The following CACNA1C variants were observed in gnomAD, a reference collection of about 807,000 sequenced individuals.
The protein encoded by CACNA1C is voltage-dependent L-type calcium channel subunit alpha-1C.
In CACNA1C, 30 loss-of-function variants were observed where a neutral mutation model predicts 229.0. The ratio of observed to expected loss-of-function variants is 0.13; its 90% CI spans 0.10 to 0.18. The LOEUF is 0.18. Ranked by LOEUF, CACNA1C falls within the 10% of genes least tolerant of loss-of-function variation. The probability of loss-of-function intolerance (pLI) is 1.00; values close to 1 mark genes in which losing one functional copy is unlikely to be tolerated. For missense variants in CACNA1C, 1,658 were observed against 2,845.0 expected, an observed-to-expected ratio of 0.58 and a Z score of 9.49; for synonymous variants, 1,114 against 1,132.5, an observed-to-expected ratio of 0.98 and a Z score of 0.33.
intron 1 of CACNA1C, among the ~76,000 whole-genome samples, chr12:1,984,959 T>C (rs1015368855): frequency 2.0e-5 from 3 of 151,862 alleles, no homozygotes; most frequent in Non-Finnish European, 4.4e-5. Context: ...TAATTTCTGA[T>C]AAGAAATCTG....
Position 2,671,634 on chromosome 12 carries a change from C to T in CACNA1C, c.4726+2599C>T, listed in dbSNP as rs139233655. Reference sequence around the variant, plus strand: ...TATGGAAGCAAGAATTCAGCAGGGTCGAAGGTTCACTGTCAAAGCCAACCA... The same window carrying T: ...TATGGAAGCAAGAATTCAGCAGGGTTGAAGGTTCACTGTCAAAGCCAACCA... On this transcript the variant is annotated intron_variant, in intron 38 of 46. Transcript: ENST00000399655. Among the ~76,000 whole-genome samples the T allele has an allele frequency of 3.3e-5, 5 of 152,230 alleles. No homozygotes were observed. In the East Asian group the frequency reaches 5.8e-4, roughly 18 times the overall value.
chr12:2,328,092 T>G (rs1351911683), intron 3 of CACNA1C, among the ~76,000 whole-genome samples: 1 of 152,208 alleles, frequency 6.6e-6, no homozygotes, highest in Non-Finnish European at 1.5e-5. Context: ...GTAGTTTCAT[T>G]AGATCTGTCA....
At chr12:2,304,725 G>A (rs1015774377) in intron 3 of CACNA1C, among the ~76,000 whole-genome samples, 3 of 152,146 alleles carry the variant, frequency 2.0e-5, no homozygotes, top group Non-Finnish European at 4.4e-5. Flanking sequence ...GCACCACACA[G>A]GTAGATCCCT....
At chr12:2,166,589 C>T (rs1190305077) in intron 3 of CACNA1C, among the ~76,000 whole-genome samples, 1 of 152,138 alleles carries the variant, frequency 6.6e-6, no homozygotes, top group East Asian at 1.9e-4. Context: ...TATAAATAAC[C>T]TTCTCACAGT....
chr12:2,476,956 A>G (rs2099632877), intron 5 of CACNA1C, among the ~76,000 whole-genome samples: 1 of 152,242 alleles, frequency 6.6e-6, no homozygotes, highest in South Asian at 2.1e-4. Context: ...TTTTCCCAGT[A>G]AGAAAATGCA....
chr12:2,637,853 C>A (rs545999138), intron 30 of CACNA1C, among the ~76,000 whole-genome samples: 1 of 152,246 alleles, frequency 6.6e-6, no homozygotes, highest in African/African-American at 2.4e-5. Flanking sequence ...GGGCGTTTCA[C>A]CTGTAACCTG....
chr12:2,553,681 G>C (rs936750039), intron 10 of CACNA1C, among the ~76,000 whole-genome samples: 3 of 152,250 alleles, frequency 2.0e-5, no homozygotes, highest in Non-Finnish European at 2.9e-5. Flanking sequence ...ATGGCAGAAG[G>C]CCCAGGCGGT....
At chr12:2,356,029 A>G (rs548744657) in intron 3 of CACNA1C, among the ~76,000 whole-genome samples, 6 of 152,306 alleles carry the variant, frequency 3.9e-5, no homozygotes, top group African/African-American at 1.2e-4. Context: ...TTAGTTGGAC[A>G]CTCAATAAAT....
intron 3 of CACNA1C, among the ~76,000 whole-genome samples, chr12:2,255,290 A>G (rs61907762): frequency 6.6e-6 from 1 of 150,414 alleles, no homozygotes. Context: ...AAAAAAACCT[A>G]GTTACTAGGA....
intron 11 of CACNA1C, among the ~76,000 whole-genome samples, chr12:2,565,570 G>T (rs966790844): frequency 6.6e-6 from 1 of 152,082 alleles, no homozygotes; most frequent in East Asian, 1.9e-4. Context: ...TTTGGGGAGG[G>T]TTCCCTAGGT....
intron 3 of CACNA1C, among the ~76,000 whole-genome samples, chr12:2,219,240 A>G (rs922909569): frequency 3.9e-5 from 6 of 152,136 alleles, no homozygotes; most frequent in African/African-American, 1.4e-4. Flanking sequence ...GGATTTGGGG[A>G]AGGAGCTCAC....
chr12:2,333,458 T>C (rs763520652), intron 3 of CACNA1C, among the ~76,000 whole-genome samples: 1 of 152,226 alleles, frequency 6.6e-6, no homozygotes, highest in Non-Finnish European at 1.5e-5. Flanking sequence ...AAGCTTGTTA[T>C]TAAATAACAA....
At chr12:2,205,976 C>T (rs1478785788) in intron 3 of CACNA1C, among the ~76,000 whole-genome samples, 1 of 152,162 alleles carries the variant, frequency 6.6e-6, no homozygotes, top group Non-Finnish European at 1.5e-5. Context: ...CCTACGAAAG[C>T]CCCTCCCCCA....
chr12:1,998,130 T>G (rs1170579076), intron 1 of CACNA1C, among the ~76,000 whole-genome samples: 1 of 152,204 alleles, frequency 6.6e-6, no homozygotes, highest in Non-Finnish European at 1.5e-5. Flanking sequence ...AGAAAGCAAG[T>G]TCTATGTCAT....
chr12:2,519,546 G>A (rs1004904416), intron 9 of CACNA1C, among the ~76,000 whole-genome samples: 6 of 152,210 alleles, frequency 3.9e-5, no homozygotes, highest in African/African-American at 1.2e-4. Context: ...TTGGAAACAG[G>A]CGAATAAGCA....
At chr12:2,312,082 T>C (rs2154485829) in intron 3 of CACNA1C, among the ~76,000 whole-genome samples, 1 of 152,268 alleles carries the variant, frequency 6.6e-6, no homozygotes, top group East Asian at 1.9e-4. Context: ...GCCCACACAA[T>C]GTCAGGATAT....
intron 3 of CACNA1C, among the ~76,000 whole-genome samples, chr12:2,223,720 C>T (rs2062085995): frequency 6.6e-6 from 1 of 152,138 alleles, no homozygotes; most frequent in Non-Finnish European, 1.5e-5. Context: ...TTTGCCAGTG[C>T]TATTGGATTT....
chr12:1,996,099 T>C lies in CACNA1C; in HGVS notation c.139+24898T>C, dbSNP rs2040726942. 2.6e-5 allele frequency among the ~76,000 whole-genome samples: 4 copies of C among 152,318 alleles called. No homozygotes were observed. The South Asian group carries it at 8.3e-4, about 32-fold the overall frequency. On this transcript the variant is annotated intron_variant, in intron 1 of 46. Transcript: ENST00000682462. The stretch of plus-strand genomic sequence containing the variant: ...ATACCCTTTCCATTTCAATTTCTAT[T>C]ATTCTAATCCCAACTCTCATCATTT...
In CACNA1C at chr12:2,678,186, G is replaced by A. The variant is rs2096919195; in HGVS notation, c.5091+319G>A. On this transcript the variant is annotated intron_variant, in intron 41 of 46. Transcript: ENST00000399655. This position sits in a 1 kb window ranked among gnomAD's most constrained non-coding sequence, Gnocchi z 4.1. ...AAGTTGCAGAGTGGTCACCCCTGGG[G>A]CACATCTAATCTGCAGGCTTGTTTT... Among the ~76,000 whole-genome samples the A allele has an allele frequency of 1.3e-5, 2 of 152,194 alleles. No homozygotes were observed. The highest frequency in any genetic ancestry group is 2.4e-5 in the African/African-American group (1 of 41,456).
Sources: allele counts gnomAD v4.1 joint callset (sites outside exome capture counted in the v4.1 genomes callset), GRCh38; gene constraint gnomAD v4.1.1; non-coding constraint Gnocchi (gnomAD v3.1); transcripts MANE v1.5; gene names NCBI Gene and HGNC (gene_info 2026-07-23, HGNC 2026-07-21).